Variants in PRKG1 observed in about 807,000 individuals in gnomAD.
PRKG1 encodes cGMP-dependent protein kinase 1.
In PRKG1, 35 loss-of-function variants were observed where a neutral mutation model predicts 88.1. The observed-to-expected ratio is 0.40, with a 90% confidence interval of 0.30 to 0.53. The LOEUF (loss-of-function observed/expected upper bound fraction) is 0.53, where lower values mean the gene tolerates loss of function less well. PRKG1 is among the 20% of genes least tolerant of loss of function. PRKG1 has a pLI of 0.59. For synonymous variants in PRKG1, 303 were observed against 292.5 expected (o/e 1.04, Z -0.37); for missense variants, 540 against 839.8 (o/e 0.64, Z 4.41).
intron 3 of PRKG1, among the ~76,000 whole-genome samples, chr10:51,671,995 G>C (rs1248763695): frequency 6.6e-6 from 1 of 151,942 alleles, no homozygotes; most frequent in African/African-American, 2.4e-5. Context: ...AAATTTTAAG[G>C]GAACACAATT....
chr10:51,369,163 T>G (rs991339656), intron 2 of PRKG1, among the ~76,000 whole-genome samples: 2 of 152,142 alleles, frequency 1.3e-5, no homozygotes, highest in Non-Finnish European at 2.9e-5. Context: ...TTTTTTTCAT[T>G]AGAAGCGACT....
At chr10:51,254,895 C>G (rs2132147783) in intron 2 of PRKG1, among the ~76,000 whole-genome samples, 1 of 152,092 alleles carries the variant, frequency 6.6e-6, no homozygotes, top group African/African-American at 2.4e-5. Flanking sequence ...CATTTGGATT[C>G]TGTTCCCTTT....
rs528763942 is a variant in PRKG1 at position 51,314,891 on chromosome 10, T to C, written c.479-152832T>C. On this transcript the variant is annotated intron_variant, in intron 2 of 17. Transcript: ENST00000373980. ...CCTCATCAAGTTCTGCAATTCTAACTGTATGTCTCCATTGGTCTCACATCT... is the reference window on the plus strand; with the variant it reads ...CCTCATCAAGTTCTGCAATTCTAACCGTATGTCTCCATTGGTCTCACATCT... Among the ~76,000 whole-genome samples the C allele has an allele frequency of 6.4e-4, 98 of 152,336 alleles. No individual in the cohort carries two copies. The South Asian group carries it at 0.011, about 16-fold the overall frequency.
intron 4 of PRKG1, among the ~76,000 whole-genome samples, chr10:51,852,213 G>GTGTATATATATATATATATA (rs1554848714): frequency 2.1e-5 from 3 of 143,296 alleles, no homozygotes; most frequent in African/African-American, 7.9e-5. Flanking sequence ...TTTTATATGT[G>GTGTATATATATATATATATA]TATATATATA....
intron 1 of PRKG1, among the ~76,000 whole-genome samples, chr10:51,140,224 C>A (rs1349687498): frequency 1.3e-5 from 2 of 152,168 alleles, no homozygotes; most frequent in African/African-American, 4.8e-5. Flanking sequence ...CTTTCTGTGA[C>A]CTTTAAAACA....
intron 3 of PRKG1, among the ~76,000 whole-genome samples, chr10:51,576,292 A>G (rs961399704): frequency 3.9e-5 from 6 of 151,942 alleles, no homozygotes; most frequent in Admixed American, 1.3e-4. Flanking sequence ...GTATGCCCAT[A>G]CATGTATAGT....
intron 4 of PRKG1, among the ~76,000 whole-genome samples, chr10:51,862,426 G>A (rs1840903839): frequency 6.6e-6 from 1 of 152,156 alleles, no homozygotes; most frequent in African/African-American, 2.4e-5. Flanking sequence ...TGACCACAGA[G>A]TGAGCCAGTC....
chr10:51,509,973 CT>C (rs1841343286), intron 3 of PRKG1, among the ~76,000 whole-genome samples: 1 of 152,114 alleles, frequency 6.6e-6, no homozygotes, highest in Non-Finnish European at 1.5e-5. Context: ...AATTTCTCAT[CT>C]CACTGAGATG....
At chr10:52,022,688 C>T (rs1845217805) in intron 5 of PRKG1, among the ~76,000 whole-genome samples, 1 of 151,922 alleles carries the variant, frequency 6.6e-6, no homozygotes, top group African/African-American at 2.4e-5. Context: ...TTTTCTCCTA[C>T]AAAATTAGAA....
At chr10:51,464,905 A>C (rs943632171) in intron 2 of PRKG1, among the ~76,000 whole-genome samples, 2 of 151,974 alleles carry the variant, frequency 1.3e-5, no homozygotes, top group African/African-American at 4.8e-5. Flanking sequence ...AAAAAAAAAA[A>C]AAAAAGATAA....
At chr10:51,774,529 A>G (rs1319541758) in intron 3 of PRKG1, among the ~76,000 whole-genome samples, 3 of 152,088 alleles carry the variant, frequency 2.0e-5, no homozygotes, top group Non-Finnish European at 4.4e-5. Context: ...CAGAAGTGTA[A>G]TGGGTTTTTT....
At chr10:51,698,702 C>T (rs1309081482) in intron 3 of PRKG1, 1 of 1,614,180 alleles carries the variant, frequency 6.2e-7, no homozygotes, top group Non-Finnish European at 8.5e-7. Context: ...CATTGCTCCT[C>T]CAGGAGTTAA....
In PRKG1 at chr10:51,267,999, G is replaced by A. The variant is rs145096282; in HGVS notation, c.478+114669G>A. ...TTCTTTTCTATTTTCCCTAAGTGTT[G>A]AACAGTCTGAGAAATAAAGGGACAG... On this transcript the variant is annotated intron_variant, in intron 2 of 17. Transcript: ENST00000373980. 3.6e-3 allele frequency among the ~76,000 whole-genome samples: 551 copies of A among 152,158 alleles called. 6 individuals are homozygous for A. The highest frequency in any genetic ancestry group is 0.013 in the African/African-American group (525 of 41,510).
intron 3 of PRKG1, among the ~76,000 whole-genome samples, chr10:51,581,407 C>G (rs1423917702): frequency 1.3e-5 from 2 of 152,046 alleles, no homozygotes; most frequent in Non-Finnish European, 2.9e-5. Flanking sequence ...ATGCCCTAAC[C>G]CTAAAGAGGC....
intron 3 of PRKG1, among the ~76,000 whole-genome samples, chr10:51,551,743 CTT>C (rs532925659): frequency 1.1e-3 from 160 of 151,858 alleles, no homozygotes; most frequent in Middle Eastern, 6.8e-3. Context: ...GAGTGAGACT[CTT>C]TCGACTACAT....
At chr10:51,951,186 G>C (rs1843175478) in intron 5 of PRKG1, among the ~76,000 whole-genome samples, 1 of 152,228 alleles carries the variant, frequency 6.6e-6, no homozygotes, top group African/African-American at 2.4e-5. Flanking sequence ...TTTTTGGCTT[G>C]AAGGTGTGGT....
At chr10:51,175,063 T>G (rs2132015271) in intron 2 of PRKG1, among the ~76,000 whole-genome samples, 1 of 152,140 alleles carries the variant, frequency 6.6e-6, no homozygotes, top group East Asian at 1.9e-4. Context: ...ACCAGCTAGT[T>G]TTCTATTAAC....
rs5784887 is a variant in PRKG1, at chr10:51,823,866, C to CTT, written c.698+19200_698+19201dup. Among the ~76,000 whole-genome samples, 89 of 78,718 alleles carry CTT rather than the reference C, an allele frequency of 1.1e-3. 2 individuals carry two copies. Among genetic ancestry groups the CTT allele is most frequent in the African/African-American group, 3.7e-3 (73 of 19,782 alleles). The allele number at this position is 78,718 out of a possible 152,430, so 51.6% of individuals were successfully genotyped here. A position where few individuals can be genotyped will look rare whatever the true frequency, so the allele number is the denominator to read the frequency against. ...TATCCAGAATTTTTTTTTCTCTCTC[C>CTT]TTTTTTTTTTTTTTTTTTTTTTTTT... On this transcript the variant is annotated intron_variant, in intron 4 of 17. Transcript: ENST00000373980.
chr10:51,039,496 A>G (rs2132755971), intron 1 of PRKG1, among the ~76,000 whole-genome samples: 1 of 152,236 alleles, frequency 6.6e-6, no homozygotes, highest in East Asian at 1.9e-4. Context: ...TCCTTGTCAG[A>G]TGGATAGTTT....
Sources: gnomAD v4.1 joint callset for allele counts (sites outside exome capture counted in the v4.1 genomes callset) on GRCh38, gnomAD v4.1.1 for gene constraint, MANE v1.5 for transcripts, NCBI Gene and HGNC (gene_info 2026-07-23, HGNC 2026-07-21) for gene names.